CNOT4: variants seen among roughly 807,000 people sequenced by gnomAD.
The protein encoded by CNOT4 is CCR4-associated factor 4.
Under a neutral mutation model 73.8 loss-of-function variants are expected in CNOT4, and 8 were observed. The observed-to-expected ratio is 0.11, with a 90% confidence interval of 0.06 to 0.20. The LOEUF (loss-of-function observed/expected upper bound fraction) is 0.20, where lower values mean the gene tolerates loss of function less well. CNOT4 is among the 10% of genes least tolerant of loss of function. The pLI is 1.00. For missense variants in CNOT4, 564 were observed against 883.4 expected (o/e 0.64, Z 4.58); for synonymous variants, 293 against 321.1 (o/e 0.91, Z 0.94).
At chr7:135,502,142 C>T (rs2129488184) in intron 1 of CNOT4, among the ~76,000 whole-genome samples, 1 of 152,270 alleles carries the variant, frequency 6.6e-6, no homozygotes, top group South Asian at 2.1e-4. Flanking sequence ...AAACCATGAG[C>T]CAAATACATT....
chr7:135,435,564 T>C (rs1050868296), intron 2 of CNOT4, among the ~76,000 whole-genome samples: 1 of 152,234 alleles, frequency 6.6e-6, no homozygotes, highest in African/African-American at 2.4e-5. Context: ...CCCTCTTTCC[T>C]TTCCGAAAGG....
At chr7:135,423,494 ATT>A (rs1242026493) in intron 2 of CNOT4, among the ~76,000 whole-genome samples, 2 of 151,972 alleles carry the variant, frequency 1.3e-5, no homozygotes, top group Non-Finnish European at 2.9e-5. Flanking sequence ...AACCTCTCAA[ATT>A]TGTGAACATA....
At chr7:135,416,676 G>A (rs778064314) in intron 3 of CNOT4, among the ~76,000 whole-genome samples, 4 of 152,166 alleles carry the variant, frequency 2.6e-5, no homozygotes, top group African/African-American at 4.8e-5. Context: ...GCTCCAAAGG[G>A]TTCAGTCAGG....
chr7:135,449,732 C>A (rs1274920275), intron 1 of CNOT4, among the ~76,000 whole-genome samples: 2 of 151,760 alleles, frequency 1.3e-5, no homozygotes, highest in East Asian at 3.9e-4. Flanking sequence ...TATAAAAAGA[C>A]ATTTCAAAGA....
chr7:135,474,569 G>A (rs1021641368), intron 1 of CNOT4, among the ~76,000 whole-genome samples: 5 of 152,124 alleles, frequency 3.3e-5, no homozygotes, highest in Admixed American at 6.6e-5. Context: ...GAGCCACGGC[G>A]CCTGGACTAA....
At position 135,362,877 on chromosome 7, in the gene CNOT4, C is replaced by T. The variant is rs1316327493; in HGVS notation, c.*8G>A. 6.2e-7 allele frequency: 1 copy of T among 1,612,266 alleles called. No homozygotes were observed. The highest frequency in any genetic ancestry group is 1.7e-5 in the Admixed American group (1 of 59,946). Reference sequence around the variant, plus strand: ...ATCCTGCATTTTCTAATGGTTGCTCCTCTTTGCCTAATGGCGGTCCAGTGT... The same window carrying T: ...ATCCTGCATTTTCTAATGGTTGCTCTTCTTTGCCTAATGGCGGTCCAGTGT... On this transcript the variant is annotated 3_prime_UTR_variant, in exon 12 of 12. Coordinates refer to ENST00000541284, the MANE Select transcript of CNOT4 (RefSeq NM_001190850.2).
At chr7:135,398,484 T>C (rs548968805) in intron 7 of CNOT4, among the ~76,000 whole-genome samples, 139 of 151,964 alleles carry the variant, frequency 9.1e-4, no homozygotes, top group African/African-American at 3.2e-3. Flanking sequence ...TCAAAGAAAA[T>C]TGGTCACTAG....
chr7:135,451,020 T>C (rs1277958560), intron 1 of CNOT4, among the ~76,000 whole-genome samples: 2 of 152,076 alleles, frequency 1.3e-5, no homozygotes, highest in African/African-American at 4.8e-5. Flanking sequence ...TGGTAAAATT[T>C]CAAGGGTAAT....
intron 10 of CNOT4, among the ~76,000 whole-genome samples, chr7:135,383,403 T>C (rs774948441): frequency 3.3e-5 from 5 of 152,156 alleles, no homozygotes; most frequent in African/African-American, 4.8e-5. Context: ...TATAGCTGTC[T>C]CATCTCATCC....
chr7:135,380,987 G>A (rs573394927), intron 10 of CNOT4, among the ~76,000 whole-genome samples: 74 of 152,306 alleles, frequency 4.9e-4, no homozygotes, highest in African/African-American at 1.7e-3. Context: ...ACTGGAATTT[G>A]ATGAGGAAAA....
At chr7:135,502,233 A>G (rs552686216) in intron 1 of CNOT4, among the ~76,000 whole-genome samples, 13 of 152,352 alleles carry the variant, frequency 8.5e-5, no homozygotes, top group Admixed American at 6.5e-4. Context: ...CATTCCCTAT[A>G]TAGAACGTAC....
At chr7:135,380,357 G>GT (rs1481964359) in intron 10 of CNOT4, among the ~76,000 whole-genome samples, 1 of 152,144 alleles carries the variant, frequency 6.6e-6, no homozygotes, top group Non-Finnish European at 1.5e-5. Context: ...AAAATCCTGG[G>GT]TAAATTAAAC....
intron 1 of CNOT4, among the ~76,000 whole-genome samples, chr7:135,459,395 C>A (rs1252746372): frequency 6.6e-6 from 1 of 152,200 alleles, no homozygotes; most frequent in African/African-American, 2.4e-5. Context: ...ACAAGGAAAC[C>A]TCACAATTGA....
Position 135,482,212 on chromosome 7 carries a change from G to C in CNOT4, c.-93+27677C>G, listed in dbSNP as rs1323479674. Among the ~76,000 whole-genome samples the C allele has an allele frequency of 2.0e-5, 3 of 152,090 alleles. No individual in the cohort carries two copies. The East Asian group carries it at 5.8e-4, about 29-fold the overall frequency. ...GTACTCCATAAATATATGATATTAT[G>C]CATCAATCTAAAAAATTAAAGAAAC... On this transcript the variant is annotated intron_variant, in intron 1 of 11. Coordinates refer to ENST00000541284, the MANE Select transcript of CNOT4 (RefSeq NM_001190850.2).
intron 1 of CNOT4, among the ~76,000 whole-genome samples, chr7:135,489,761 G>T (rs569080629): frequency 1.3e-5 from 2 of 152,108 alleles, no homozygotes; most frequent in South Asian, 4.2e-4. Flanking sequence ...GGACAATAAA[G>T]GTCTAAGAAA....
intron 10 of CNOT4, among the ~76,000 whole-genome samples, chr7:135,382,028 G>A (rs1021146321): frequency 2.6e-5 from 4 of 152,146 alleles, no homozygotes; most frequent in African/African-American, 7.2e-5. Context: ...AGTTGCCTTA[G>A]GAAGTGTGGT....
intron 3 of CNOT4, among the ~76,000 whole-genome samples, chr7:135,419,499 G>C (rs1450115203): frequency 6.6e-6 from 1 of 152,040 alleles, no homozygotes; most frequent in Non-Finnish European, 1.5e-5. Context: ...CAAAACACTT[G>C]TCTCTGGTCT....
intron 1 of CNOT4, among the ~76,000 whole-genome samples, chr7:135,467,043 ATGTTTACTTTTATCTTTCACCATCTG>A (rs1303060585): frequency 6.6e-6 from 1 of 152,188 alleles, no homozygotes; most frequent in Non-Finnish European, 1.5e-5. Flanking sequence ...GTTTTTAGTA[ATGTTTACTTTTATCTTTCACCATCTG>A]TGTATTTTCC....
chr7:135,470,137 G>C (rs532469774), intron 1 of CNOT4, among the ~76,000 whole-genome samples: 3 of 146,676 alleles, frequency 2.0e-5, no homozygotes, highest in East Asian at 4.0e-4. Flanking sequence ...GTGTTTTTTT[G>C]GGGGGGGAGG....
Sources: allele counts gnomAD v4.1 joint callset (sites outside exome capture counted in the v4.1 genomes callset), GRCh38; gene constraint gnomAD v4.1.1; transcripts MANE v1.5; gene names NCBI Gene and HGNC (gene_info 2026-07-23, HGNC 2026-07-21).